The following STX7 variants were observed in gnomAD, a reference collection of about 807,000 sequenced individuals.
The protein encoded by STX7 is syntaxin 7.
STX7 carries 34 observed loss-of-function variants against 39.6 expected under a neutral mutation model. The ratio of observed to expected loss-of-function variants is 0.86; its 90% CI spans 0.65 to 1.14. STX7 has a LOEUF of 1.14. Among genes scored for constraint, STX7 ranks in the 50% most tolerant of loss-of-function variants. The pLI is 0.00. For missense variants in STX7, 284 were observed against 310.4 expected (o/e 0.92, Z 0.64); for synonymous variants, 119 against 99.1 (o/e 1.20, Z -1.19).
At chr6:132,487,946 T>G (rs1390580616) in intron 2 of STX7, among the ~76,000 whole-genome samples, 1 of 152,162 alleles carries the variant, frequency 6.6e-6, no homozygotes, top group African/African-American at 2.4e-5. Context: ...ACTTTGCAAT[T>G]TCGGTTGTTT....
chr6:132,462,464 C>T (rs979244255), intron 9 of STX7, among the ~76,000 whole-genome samples: 19 of 152,124 alleles, frequency 1.2e-4, no homozygotes, highest in African/African-American at 4.6e-4. Flanking sequence ...AGAATATCCA[C>T]ATTTCCCCCA....
At chr6:132,512,434 A>C (rs1428956377) in intron 1 of STX7, among the ~76,000 whole-genome samples, 1 of 152,218 alleles carries the variant, frequency 6.6e-6, no homozygotes, top group Non-Finnish European at 1.5e-5. Context: ...TAAATTAATT[A>C]AAGGTGTATA....
chr6:132,482,507 A>G (rs115316047), intron 2 of STX7, among the ~76,000 whole-genome samples: 3,546 of 152,352 alleles, frequency 0.023, 128 homozygotes, highest in African/African-American at 0.08. Flanking sequence ...ATAGCTATTT[A>G]GTACAAGAGC....
chr6:132,476,791 T>C (rs1774887482), intron 2 of STX7, among the ~76,000 whole-genome samples: 1 of 151,952 alleles, frequency 6.6e-6, no homozygotes, highest in Admixed American at 6.6e-5. Context: ...CTATTGCAAT[T>C]TTTTTAAAAA....
Position 132,475,595 on chromosome 6 carries a change from C to T in STX7, c.153G>A (p.Gln51=). ...TATTTATTTAACTAGATACTTACAA[C>T]TGTTGCCTCAATTCAGGTGAATCTT... ...TPQDSPELRQ[Q]LQQKQQYTNQ... The change falls in exon 3 of 10, where the codon CAG becomes CAA. Residue 51 remains glutamine, a splice_region_variant and synonymous_variant. Coordinates refer to ENST00000367941, the MANE Select transcript of STX7 (RefSeq NM_003569.3). 6.2e-7 allele frequency: 1 copy of T among 1,600,988 alleles called. No homozygotes were observed. The highest frequency in any genetic ancestry group is 1.7e-4 in the Middle Eastern group (1 of 5,934).
intron 2 of STX7, among the ~76,000 whole-genome samples, chr6:132,490,515 A>G (rs1775253072): frequency 6.6e-6 from 1 of 152,234 alleles, no homozygotes; most frequent in African/African-American, 2.4e-5. Flanking sequence ...CATAAAAATT[A>G]CATTTTCAGA....
At chr6:132,504,337 C>A (rs866655404) in intron 1 of STX7, among the ~76,000 whole-genome samples, 15 of 152,288 alleles carry the variant, frequency 9.8e-5, no homozygotes, top group Middle Eastern at 6.8e-3. Flanking sequence ...GAATGACTCT[C>A]CCCTTTCAGC....
At chr6:132,465,071 C>G (rs1026789796) in intron 8 of STX7, among the ~76,000 whole-genome samples, 2 of 152,152 alleles carry the variant, frequency 1.3e-5, no homozygotes, top group Non-Finnish European at 2.9e-5. Flanking sequence ...CACTGATGCT[C>G]TCTCCAACAC....
Position 132,464,088 on chromosome 6 carries a change from A to C in STX7, c.611-13T>G. The C allele has an allele frequency of 1.3e-6, 2 of 1,588,578 alleles. No homozygotes were observed. The highest frequency in any genetic ancestry group is 1.7e-6 in the Non-Finnish European group (2 of 1,160,544). ...GCTTCTATGCTATCTGTAAAATAAA[A>C]CACACACACACAAATGTGTTAAACA... On this transcript the variant is annotated splice_polypyrimidine_tract_variant and intron_variant, in intron 8 of 9. Coordinates refer to ENST00000367941, the MANE Select transcript of STX7 (RefSeq NM_003569.3).
intron 9 of STX7, among the ~76,000 whole-genome samples, chr6:132,462,944 G>A (rs1359834800): frequency 6.6e-6 from 1 of 152,152 alleles, no homozygotes; most frequent in Non-Finnish European, 1.5e-5. Context: ...AACAGCGGCT[G>A]GGCATGGTGG....
intron 2 of STX7, among the ~76,000 whole-genome samples, chr6:132,493,302 A>T (rs141408618): frequency 2.6e-5 from 4 of 152,162 alleles, no homozygotes; most frequent in Non-Finnish European, 5.9e-5. Context: ...TAAGAAAAAA[A>T]GTTTGGATTA....
chr6:132,473,497 G>GTT (rs1241957879), intron 3 of STX7, among the ~76,000 whole-genome samples: 2 of 123,034 alleles, frequency 1.6e-5, no homozygotes, highest in Non-Finnish European at 1.7e-5. Flanking sequence ...TTATAGTTCA[G>GTT]TTTTTTTTTT....
At chr6:132,487,585 T>A (rs1001425286) in intron 2 of STX7, among the ~76,000 whole-genome samples, 1 of 152,052 alleles carries the variant, frequency 6.6e-6, no homozygotes, top group Non-Finnish European at 1.5e-5. Context: ...ATGGCACATG[T>A]ATACCTATGT....
chr6:132,487,141 T>C (rs968642062), intron 2 of STX7, among the ~76,000 whole-genome samples: 1 of 152,236 alleles, frequency 6.6e-6, no homozygotes, highest in Admixed American at 6.5e-5. Context: ...AGGTTTTAAG[T>C]TGTAATTTCA....
In STX7 at chr6:132,456,143, TC is replaced by T. The variant is rs1360726400; in HGVS notation, c.*4614del. Reference sequence around the variant, plus strand: ...CAACTGCTGCCACCAAGAGAACGGCTCCTTTTTGGAGCCATTACACACAGAT... The same window carrying T: ...CAACTGCTGCCACCAAGAGAACGGCTCTTTTTGGAGCCATTACACACAGAT... On this transcript the variant is annotated 3_prime_UTR_variant, in exon 10 of 10. Transcript: ENST00000367941. 6.6e-6 allele frequency: 1 copy of T among 151,970 alleles called. No individual in the cohort carries two copies. The highest frequency in any genetic ancestry group is 2.4e-5 in the African/African-American group (1 of 41,356). 9.4% of individuals were successfully genotyped at this position (151,970 alleles called of 1,614,324 possible).
At chr6:132,469,926 C>T (rs1467862080) in intron 7 of STX7, 25 bp downstream of exon 7, 1 of 1,561,692 alleles carries the variant, frequency 6.4e-7, no homozygotes, top group Non-Finnish European at 8.7e-7. Flanking sequence ...AGAGCAGCAG[C>T]CCAAGTCTAC....
chr6:132,461,747 G>T, intron 9 of STX7: 2 of 1,292,190 alleles, frequency 1.5e-6, no homozygotes, highest in Middle Eastern at 3.8e-4. Context: ...AAATCATAAT[G>T]CTGTCATTGA....
intron 2 of STX7, among the ~76,000 whole-genome samples, chr6:132,477,866 T>C (rs1329848340): frequency 1.3e-5 from 2 of 152,094 alleles, no homozygotes; most frequent in Admixed American, 6.6e-5. Context: ...AACAGCCCAG[T>C]AAAAAATGGA....
At chr6:132,476,606 A>G (rs774832429) in intron 2 of STX7, among the ~76,000 whole-genome samples, 4 of 152,206 alleles carry the variant, frequency 2.6e-5, no homozygotes, top group African/African-American at 4.8e-5. Flanking sequence ...TTGAATACAG[A>G]AAGTAAAAAA....
Sources: gnomAD v4.1 joint callset for allele counts (sites outside exome capture counted in the v4.1 genomes callset) on GRCh38, gnomAD v4.1.1 for gene constraint, MANE v1.5 for transcripts, NCBI Gene and HGNC (gene_info 2026-07-23, HGNC 2026-07-21) for gene names.